Variants in CPXM2 observed in about 807,000 individuals in gnomAD.
CPXM2 encodes inactive carboxypeptidase-like protein X2.
Under a neutral mutation model 86.1 loss-of-function variants are expected in CPXM2, and 66 were observed. The observed-to-expected ratio is 0.77, with a 90% CI of 0.63 to 0.94. The LOEUF (loss-of-function observed/expected upper bound fraction) is 0.94. Ranked by LOEUF, CPXM2 falls within the 40% of genes least tolerant of loss-of-function variation. The pLI, the probability that CPXM2 is intolerant of heterozygous loss-of-function variation, is 0.00. For synonymous variants in CPXM2, 388 were observed against 400.2 expected (o/e 0.97, Z 0.36); for missense variants, 948 against 1,026.3 (o/e 0.92, Z 1.04).
chr10:123,828,605 C>CTG (rs1848094961), intron 4 of CPXM2, among the ~76,000 whole-genome samples: 2 of 152,232 alleles, frequency 1.3e-5, no homozygotes, highest in Admixed American at 1.3e-4. Context: ...CCATGTGGAA[C>CTG]TGTGAGTCAA....
intron 2 of CPXM2, among the ~76,000 whole-genome samples, chr10:123,897,213 C>A (rs1246697529): frequency 1.3e-5 from 2 of 152,070 alleles, no homozygotes; most frequent in Admixed American, 1.3e-4. Flanking sequence ...GTCTCGGGAG[C>A]CTCAATATCA....
chr10:123,852,030 A>G (rs1384008068), intron 3 of CPXM2, among the ~76,000 whole-genome samples: 2 of 152,142 alleles, frequency 1.3e-5, no homozygotes, highest in Non-Finnish European at 2.9e-5. Flanking sequence ...GGAAAGGGCA[A>G]GGAGGGACCC....
At chr10:123,942,940 T>C (rs1228338955), upstream of CPXM2, among the ~76,000 whole-genome samples, 2 of 152,250 alleles carry the variant, frequency 1.3e-5, no homozygotes, top group African/African-American at 4.8e-5. Flanking sequence ...ATATGTTTAG[T>C]TACACAAATA....
intron 13 of CPXM2, chr10:123,751,580 T>C (rs1846077585): frequency 1.0e-6 from 1 of 985,230 alleles, no homozygotes; most frequent in Non-Finnish European, 1.2e-6. Flanking sequence ...AGGACAGGCA[T>C]GTGGAACGGT....
Position 123,751,977 on chromosome 10 carries a change from T to A in CPXM2, c.2017+2686A>T, listed in dbSNP as rs565832801. 1.8e-4 allele frequency: 177 copies of A among 985,464 alleles called. No homozygotes were observed. In the African/African-American group the frequency reaches 2.8e-3, roughly 16 times the overall value. 61.0% of individuals were successfully genotyped at this position (985,464 alleles called of 1,614,324 possible). ...AGGCAAAGTATTCTATCTTGGCTTA[T>A]GAGGCCCCAGGGTCTTTTTATCTCC... On this transcript the variant is annotated intron_variant, in intron 13 of 13. Coordinates refer to ENST00000241305, the MANE Select transcript of CPXM2 (RefSeq NM_198148.3).
In CPXM2 at chr10:123,939,824, T is replaced by C. The variant is rs1330555154; in HGVS notation, n.120-293A>G. Among the ~76,000 whole-genome samples the C allele has an allele frequency of 2.0e-5, 3 of 152,320 alleles. No homozygotes were observed. The South Asian group carries it at 6.2e-4, about 32-fold the overall frequency. ...AGCCTGGGCGCACCCCAGATGTGCC[T>C]GATCAGGGCTCTCTGACAGCCAGGC... On this transcript the variant is annotated intron_variant and non_coding_transcript_variant, in intron 1 of 19. Transcript: ENST00000368854.
At position 123,880,216 on chromosome 10, in the gene CPXM2, C is replaced by T; in HGVS notation, c.398G>A (p.Arg133Lys). 1 of 1,382,038 alleles carries T rather than the reference C, an allele frequency of 7.2e-7. No individual in the cohort carries two copies. The highest frequency in any genetic ancestry group is 9.9e-7 in the Non-Finnish European group (1 of 1,008,042). The allele number at this position is 1,382,038 out of a possible 1,614,324, so 85.6% of individuals were successfully genotyped here. A position where few individuals can be genotyped will look rare whatever the true frequency, so the allele number is the denominator to read the frequency against. Residue 133 changes from arginine (R) to lysine (K), a missense_variant, in exon 2 of 14, where the codon AGA becomes AAA. Transcript: ENST00000241305. ...HSVRVAREDV[R>K]ESCPPLGLET... ...TCTCCGAGAGCCTCACTTACTCTCT[C>T]TGACATCTTCACGGGCCACACGGAC...
At chr10:123,807,242 G>A (rs1212383959) in intron 4 of CPXM2, among the ~76,000 whole-genome samples, 2 of 152,160 alleles carry the variant, frequency 1.3e-5, no homozygotes, top group South Asian at 4.1e-4. Context: ...CTTCCAGGGT[G>A]TGGATCTTCA....
At chr10:123,773,183 T>C (rs1346786216) in intron 7 of CPXM2, among the ~76,000 whole-genome samples, 2 of 152,086 alleles carry the variant, frequency 1.3e-5, no homozygotes, top group African/African-American at 4.8e-5. Flanking sequence ...TCCCTGGTTG[T>C]GGTTTTTATC....
At chr10:123,851,860 T>C (rs76134696) in intron 3 of CPXM2, among the ~76,000 whole-genome samples, 1,904 of 151,588 alleles carry the variant, frequency 0.013, 32 homozygotes, top group African/African-American at 0.044. Flanking sequence ...CATGACTGTG[T>C]CTTTAAACAA....
chr10:123,831,356 T>A (rs1354201221), intron 4 of CPXM2, among the ~76,000 whole-genome samples: 1 of 152,176 alleles, frequency 6.6e-6, no homozygotes, highest in Non-Finnish European at 1.5e-5. Flanking sequence ...CAGCCCTGCC[T>A]CTGTCCAGTG....
chr10:123,937,818 A>T (rs573011077), intron 2 of CPXM2, among the ~76,000 whole-genome samples: 232 of 152,314 alleles, frequency 1.5e-3, no homozygotes, highest in African/African-American at 5.1e-3. Context: ...CCTTTAGAGA[A>T]GATGAGGGAA....
chr10:123,835,248 G>A (rs1026515845), intron 4 of CPXM2, among the ~76,000 whole-genome samples: 9 of 152,134 alleles, frequency 5.9e-5, no homozygotes, highest in Admixed American at 5.9e-4. Flanking sequence ...GGTTTCCTGG[G>A]GAGTCACACC....
intron 11 of CPXM2, among the ~76,000 whole-genome samples, chr10:123,760,944 C>CATT (rs3052648): frequency 0.89 from 134,647 of 151,970 alleles, 59,773 homozygotes; most frequent in Non-Finnish European, 0.9. Flanking sequence ...GCAAATTCAT[C>CATT]GTCTTGACCA....
intron 2 of CPXM2, among the ~76,000 whole-genome samples, chr10:123,897,851 A>C (rs547415906): frequency 6.6e-6 from 1 of 152,266 alleles, no homozygotes; most frequent in Non-Finnish European, 1.5e-5. Context: ...CCACATGGGC[A>C]GGGCTGCCAT....
At chr10:123,818,272 G>C (rs1390360787) in intron 4 of CPXM2, among the ~76,000 whole-genome samples, 1 of 152,178 alleles carries the variant, frequency 6.6e-6, no homozygotes, top group Non-Finnish European at 1.5e-5. Flanking sequence ...AAGTAGCCAT[G>C]GGGGCAGGGA....
intron 7 of CPXM2, among the ~76,000 whole-genome samples, chr10:123,779,425 C>T (rs1183994890): frequency 6.6e-6 from 1 of 152,216 alleles, no homozygotes; most frequent in South Asian, 2.1e-4. Flanking sequence ...GGAAAAATCT[C>T]ATCTGGGATT....
chr10:123,750,033 T>C (rs1196903747), intron 13 of CPXM2: 1 of 544,990 alleles, frequency 1.8e-6, no homozygotes, highest in Non-Finnish European at 2.3e-6. Context: ...TTGGCCAGGC[T>C]GGTCTTGAAC....
upstream of CPXM2, among the ~76,000 whole-genome samples, chr10:123,940,839 G>C (rs1945768211): frequency 6.6e-6 from 1 of 152,172 alleles, no homozygotes; most frequent in South Asian, 2.1e-4. Flanking sequence ...TCATTGCCTA[G>C]TGCTGCCGTC....
Sources: gnomAD v4.1 joint callset for allele counts (sites outside exome capture counted in the v4.1 genomes callset) on GRCh38, gnomAD v4.1.1 for gene constraint, MANE v1.5 for transcripts, NCBI Gene and HGNC (gene_info 2026-07-23, HGNC 2026-07-21) for gene names.